ANKRD30A: variants seen among roughly 807,000 people sequenced by gnomAD.
The protein encoded by ANKRD30A is ankyrin repeat domain 30A, also known as ankyrin repeat domain-containing protein 30A.
A neutral mutation model predicts 166.3 loss-of-function variants in ANKRD30A; 170 were observed. The observed-to-expected ratio is 1.02, with a 90% CI of 0.90 to 1.16. ANKRD30A has a LOEUF of 1.16. Ranked by LOEUF, ANKRD30A falls within the 50% of genes most tolerant of loss-of-function variation. ANKRD30A has a pLI of 0.00. For missense variants in ANKRD30A, 1,630 were observed against 1,518.0 expected, an observed-to-expected ratio of 1.07 and a Z score of -1.23; for synonymous variants, 564 against 508.9, an observed-to-expected ratio of 1.11 and a Z score of -1.46.
At chr10:37,193,583 A>T (rs2801983) in intron 27 of ANKRD30A, among the ~76,000 whole-genome samples, 62 of 151,762 alleles carry the variant, frequency 4.1e-4, no homozygotes, top group Non-Finnish European at 7.8e-4. Flanking sequence ...GCAGTGGTTC[A>T]AAGGCTGATT....
downstream of ANKRD30A, among the ~76,000 whole-genome samples, chr10:37,237,371 A>G (rs1843710289): frequency 6.6e-6 from 1 of 152,188 alleles, no homozygotes; most frequent in Non-Finnish European, 1.5e-5. Context: ...AGTTAGATGC[A>G]ACCATATTAT....
chr10:37,149,643 C>A lies in ANKRD30A; in HGVS notation c.1544-8C>A. On this transcript the variant is annotated splice_polypyrimidine_tract_variant and splice_region_variant and intron_variant, in intron 9 of 35. Transcript: ENST00000361713. ...TATGATTGATGATAAATCTCTTTTG[C>A]TTTTTAGAGCCTCCTAAGAAGCCAT... 6.2e-7 allele frequency: 1 copy of A among 1,611,444 alleles called. No homozygotes were observed. The highest frequency in any genetic ancestry group is 8.5e-7 in the Non-Finnish European group (1 of 1,178,214).
the ANKRD30A span, chr10:37,264,561 T>C: frequency 6.5e-6 from 3 of 464,706 alleles, no homozygotes; most frequent in Non-Finnish European, 7.0e-6. Flanking sequence ...GGAAGCATGC[T>C]GACCAGTCTG....
chr10:37,196,392 T>G (rs1588899257), intron 27 of ANKRD30A, among the ~76,000 whole-genome samples: 1 of 152,102 alleles, frequency 6.6e-6, no homozygotes, highest in South Asian at 2.1e-4. Context: ...TGAGATATAT[T>G]GGAAACTAAG....
At chr10:37,246,321 G>T in the ANKRD30A span, among the ~76,000 whole-genome samples, 1 of 152,142 alleles carries the variant, frequency 6.6e-6, no homozygotes, top group Non-Finnish European at 1.5e-5. Flanking sequence ...ATTTACTCTT[G>T]TTAATCTAAC....
rs146208108 is a variant in ANKRD30A at position 37,201,016 on chromosome 10, C to T, written c.2779-219C>T. Among the ~76,000 whole-genome samples, 1,423 of 151,820 alleles carry T rather than the reference C, an allele frequency of 9.4e-3. 30 individuals carry two copies. Among genetic ancestry groups the T allele is most frequent in the African/African-American group, 0.032 (1,341 of 41,434 alleles). ...TGATTTGTTTTTCCTGCTCAGTCAC[C>T]GAGTTAATGGCCACATGGACATAAA... On this transcript the variant is annotated intron_variant, in intron 30 of 35. Coordinates refer to ENST00000361713, the MANE Select transcript of ANKRD30A (RefSeq NM_052997.3).
intron 34 of ANKRD30A, among the ~76,000 whole-genome samples, chr10:37,228,063 A>C (rs1843243443): frequency 6.6e-6 from 1 of 152,066 alleles, no homozygotes; most frequent in African/African-American, 2.4e-5. Context: ...CCTCTGCTTA[A>C]ATAGGTCAAG....
At chr10:37,204,366 G>A (rs1370699274) in intron 31 of ANKRD30A, among the ~76,000 whole-genome samples, 4 of 152,170 alleles carry the variant, frequency 2.6e-5, no homozygotes, top group African/African-American at 4.8e-5. Context: ...AAGAAATGGG[G>A]AAAGGATTCC....
intron 15 of ANKRD30A, among the ~76,000 whole-genome samples, chr10:37,162,406 A>T (rs1200879): frequency 2.0e-5 from 3 of 152,308 alleles, no homozygotes; most frequent in African/African-American, 7.2e-5. Context: ...CTTTATACAC[A>T]TGAAACACAA....
In ANKRD30A at chr10:37,232,501, T is replaced by C. The variant is rs1000720999; in HGVS notation, c.*214T>C. ...GCCATTATCTTCTTTCTACCCAGAA[T>C]TGCATAAAGCTGCACAGGATTCCCA... On this transcript the variant is annotated splice_region_variant and 3_prime_UTR_variant, in exon 36 of 36. Transcript: ENST00000361713. 6.6e-5 allele frequency: 10 copies of C among 150,432 alleles called. No individual in the cohort carries two copies. The highest frequency in any genetic ancestry group is 2.4e-4 in the African/African-American group (10 of 41,028). The allele number at this position is 150,432 out of a possible 1,614,324, so 9.3% of individuals were successfully genotyped here. A position where few individuals can be genotyped will look rare whatever the true frequency, so the allele number is the denominator to read the frequency against.
intron 25 of ANKRD30A, among the ~76,000 whole-genome samples, chr10:37,190,951 A>G (rs929658246): frequency 1.1e-4 from 16 of 152,018 alleles, no homozygotes; most frequent in African/African-American, 3.4e-4. Context: ...TTGCCATTTT[A>G]TGAAACCTCA....
chr10:37,198,097 G>A (rs1404025989), intron 29 of ANKRD30A, among the ~76,000 whole-genome samples: 2 of 152,108 alleles, frequency 1.3e-5, no homozygotes, highest in African/African-American at 4.8e-5. Context: ...TGATTCTGAA[G>A]TGTTTGGCTT....
At chr10:37,239,199 T>C in the ANKRD30A span, among the ~76,000 whole-genome samples, 1 of 152,142 alleles carries the variant, frequency 6.6e-6, no homozygotes, top group Non-Finnish European at 1.5e-5. Flanking sequence ...TTAAAACTGA[T>C]ACTAATTTCT....
At chr10:37,142,583 T>C (rs1837222705) in intron 7 of ANKRD30A, among the ~76,000 whole-genome samples, 1 of 127,010 alleles carries the variant, frequency 7.9e-6, no homozygotes, top group Non-Finnish European at 1.7e-5. Context: ...TTTTTTTTTT[T>C]TTTTTTTTTT....
intron 9 of ANKRD30A, among the ~76,000 whole-genome samples, chr10:37,148,207 A>G (rs1462295273): frequency 6.6e-6 from 1 of 152,124 alleles, no homozygotes; most frequent in Non-Finnish European, 1.5e-5. Flanking sequence ...TCTGAGTAGC[A>G]AGAGGAGAGG....
At chr10:37,227,508 C>T (rs990037763) in intron 34 of ANKRD30A, among the ~76,000 whole-genome samples, 2 of 151,900 alleles carry the variant, frequency 1.3e-5, no homozygotes, top group African/African-American at 4.8e-5. Context: ...TATGCCAGTA[C>T]CAAATCAACT....
chr10:37,132,835 TA>T (rs1836459401), intron 4 of ANKRD30A, among the ~76,000 whole-genome samples: 2 of 152,028 alleles, frequency 1.3e-5, no homozygotes, highest in African/African-American at 4.8e-5. Context: ...CCATTTCTAC[TA>T]AAAATACAAA....
intron 25 of ANKRD30A, among the ~76,000 whole-genome samples, chr10:37,191,195 A>C (rs1347579405): frequency 6.6e-6 from 1 of 151,956 alleles, no homozygotes; most frequent in African/African-American, 2.4e-5. Flanking sequence ...TTCCTCCATG[A>C]GTGGATTAAG....
In ANKRD30A at chr10:37,227,073, C is replaced by T. The variant is rs372495315; in HGVS notation, c.4186-4388C>T. 4.0e-5 allele frequency among the ~76,000 whole-genome samples: 6 copies of T among 151,850 alleles called. No individual in the cohort carries two copies. The East Asian group carries it at 1.2e-3, about 29-fold the overall frequency. The stretch of plus-strand genomic sequence containing the variant: ...TATATCCTAAATATAAATTTTCTAT[C>T]AGAAATACAGTTATCAAATATTTTC... On this transcript the variant is annotated intron_variant, in intron 34 of 35. Transcript: ENST00000361713.
Sources: allele counts gnomAD v4.1 joint callset (sites outside exome capture counted in the v4.1 genomes callset), GRCh38; gene constraint gnomAD v4.1.1; transcripts MANE v1.5; gene names NCBI Gene and HGNC (gene_info 2026-07-23, HGNC 2026-07-21).